The following TLK2 variants were observed in gnomAD, a reference collection of about 807,000 sequenced individuals.
The protein encoded by TLK2 is serine/threonine-protein kinase tousled-like 2.
Under a neutral mutation model 117.3 loss-of-function variants are expected in TLK2, and 6 were observed. That is an observed-to-expected ratio of 0.05 (90% CI 0.03 to 0.10). The LOEUF is 0.10. Among genes scored for constraint, TLK2 ranks in the 10% least tolerant of loss-of-function variants. The pLI, the probability that TLK2 is intolerant of heterozygous loss-of-function variation, is 1.00. For synonymous variants in TLK2, 257 were observed against 316.7 expected (o/e 0.81, Z 2.00); for missense variants, 299 against 901.2 (o/e 0.33, Z 8.56).
intron 16 of TLK2, among the ~76,000 whole-genome samples, chr17:62,588,833 G>A (rs1399129371): frequency 6.6e-6 from 1 of 152,148 alleles, no homozygotes; most frequent in Non-Finnish European, 1.5e-5. Flanking sequence ...GAACTAAAAG[G>A]AGACTTACAT....
chr17:62,597,799 T>TTA (rs1567997997), intron 17 of TLK2, among the ~76,000 whole-genome samples: 1 of 152,196 alleles, frequency 6.6e-6, no homozygotes. Flanking sequence ...TTTTGTTACT[T>TTA]GGTATAGGTA....
intron 6 of TLK2, among the ~76,000 whole-genome samples, chr17:62,529,726 C>T (rs1294388774): frequency 2.6e-5 from 4 of 152,026 alleles, no homozygotes; most frequent in African/African-American, 9.7e-5. Context: ...ATATAATTAC[C>T]ACCACATTCA....
chr17:62,531,715 T>A (rs1486978649), intron 6 of TLK2, among the ~76,000 whole-genome samples: 1 of 152,232 alleles, frequency 6.6e-6, no homozygotes, highest in African/African-American at 2.4e-5. Flanking sequence ...TTACCTCTTT[T>A]ATATACCACT....
At chr17:62,557,304 G>T (rs189703464) in intron 9 of TLK2, among the ~76,000 whole-genome samples, 180 of 152,048 alleles carry the variant, frequency 1.2e-3, no homozygotes, top group African/African-American at 4.2e-3. Flanking sequence ...ATTCTCTAGG[G>T]TTTTTGGTTC....
At chr17:62,539,317 C>T (rs547939045) in intron 7 of TLK2, among the ~76,000 whole-genome samples, 1 of 152,252 alleles carries the variant, frequency 6.6e-6, no homozygotes, top group South Asian at 2.1e-4. Flanking sequence ...TCATTAGCAA[C>T]TATTGATCAC....
At chr17:62,534,247 A>C (rs1290819440) in intron 6 of TLK2, among the ~76,000 whole-genome samples, 1 of 152,248 alleles carries the variant, frequency 6.6e-6, no homozygotes, top group African/African-American at 2.4e-5. Flanking sequence ...CTAGATGACC[A>C]CTATACCACC....
intron 6 of TLK2, among the ~76,000 whole-genome samples, chr17:62,525,357 A>T (rs2076299527): frequency 6.6e-6 from 1 of 151,932 alleles, no homozygotes; most frequent in Non-Finnish European, 1.5e-5. Context: ...GGATTATTGT[A>T]ATTATTAAAG....
intron 16 of TLK2, among the ~76,000 whole-genome samples, chr17:62,588,243 T>C (rs938451078): frequency 6.6e-6 from 1 of 152,202 alleles, no homozygotes; most frequent in Non-Finnish European, 1.5e-5. Context: ...GGTTTCTGGC[T>C]GACCTTGCAG....
At position 62,520,861 on chromosome 17, in the gene TLK2, A is replaced by G. The variant is rs766310862; in HGVS notation, c.153+17A>G. 6 of 1,611,624 alleles carry G rather than the reference A, an allele frequency of 3.7e-6. No homozygotes were observed. In the East Asian group the frequency reaches 1.1e-4, roughly 30 times the overall value. ...GAAGTAGAGGTAAGAAGCTATGTTCATGGCAGGACTTTTCATACTTGTACG... is the reference window on the plus strand; with the variant it reads ...GAAGTAGAGGTAAGAAGCTATGTTCGTGGCAGGACTTTTCATACTTGTACG... On this transcript the variant is annotated intron_variant, in intron 3 of 21. Transcript: ENST00000346027.
At chr17:62,600,875 G>A in intron 18 of TLK2, 55 bp downstream of exon 18, 1 of 1,471,908 alleles carries the variant, frequency 6.8e-7, no homozygotes. Context: ...TCTTATAAGT[G>A]ACTTTTAATT....
intron 1 of TLK2, among the ~76,000 whole-genome samples, chr17:62,471,268 A>C (rs1301025623): frequency 2.6e-5 from 4 of 152,210 alleles, no homozygotes; most frequent in Admixed American, 2.6e-4. Context: ...CACTCGACTC[A>C]AAAGCAGTTA....
At chr17:62,608,446 G>A (rs143443763) in intron 21 of TLK2, among the ~76,000 whole-genome samples, 1,695 of 152,270 alleles carry the variant, frequency 0.011, 35 homozygotes, top group African/African-American at 0.038. Flanking sequence ...GAACAGGTGT[G>A]TGGATGTCAC....
At chr17:62,546,082 A>G (rs1391665712) in intron 7 of TLK2, among the ~76,000 whole-genome samples, 2 of 152,040 alleles carry the variant, frequency 1.3e-5, no homozygotes, top group East Asian at 1.9e-4. Flanking sequence ...GAGTTTCACC[A>G]TGTTGGCCAG....
chr17:62,521,001 C>T (rs531123191), intron 3 of TLK2, among the ~76,000 whole-genome samples, 157 bp downstream of exon 3: 3 of 152,022 alleles, frequency 2.0e-5, no homozygotes, highest in South Asian at 2.1e-4. Context: ...AGTGAGAACT[C>T]GTTTCTACAA....
intron 7 of TLK2, among the ~76,000 whole-genome samples, chr17:62,537,879 C>T (rs918291879): frequency 7.2e-5 from 11 of 151,866 alleles, no homozygotes; most frequent in Non-Finnish European, 1.5e-4. Flanking sequence ...GGAGAATTGA[C>T]CTATATAATA....
rs531932139 is a variant in TLK2 at position 62,510,036 on chromosome 17, T to G, written c.82-10737T>G. 3.3e-5 allele frequency among the ~76,000 whole-genome samples: 5 copies of G among 152,346 alleles called. No individual in the cohort carries two copies. The East Asian group carries it at 9.6e-4, about 29-fold the overall frequency. On this transcript the variant is annotated intron_variant, in intron 2 of 21. Transcript: ENST00000346027. ...GCTCATGCCTGTAATCCCAGCACTT[T>G]CGGAGGTAGAGGCGAGTGTACTGCT...
At chr17:62,574,510 T>G in intron 12 of TLK2, 1 of 684,714 alleles carries the variant, frequency 1.5e-6, no homozygotes, top group Non-Finnish European at 2.4e-6. Flanking sequence ...TAACTCCAAA[T>G]TTTGTTGTTG....
chr17:62,563,560 A>T lies in TLK2; in HGVS notation c.832-1441A>T, dbSNP rs150284979. Among the ~76,000 whole-genome samples the T allele has an allele frequency of 4.4e-4, 67 of 152,314 alleles. 1 individual carries two copies. Among genetic ancestry groups the T allele is most frequent in the African/African-American group, 1.3e-3 (56 of 41,576 alleles). On this transcript the variant is annotated intron_variant, in intron 10 of 21. Coordinates refer to ENST00000346027, the MANE Select transcript of TLK2 (RefSeq NM_006852.6). ...CTGGGCATGGAAAACTGCAGCTATA[A>T]ATTGCCTGTTGGTTGAAATAGACAG...
rs1598765412 is a variant in TLK2, at chr17:62,586,046, ATTATG to A, written c.1369-84_1369-80del. 6 of 965,794 alleles carry A rather than the reference ATTATG, an allele frequency of 6.2e-6. No homozygotes were observed. The Admixed American group carries it at 7.6e-5, about 12-fold the overall frequency. 59.8% of individuals were successfully genotyped at this position (965,794 alleles called of 1,614,324 possible). Reference sequence around the variant, plus strand: ...ATTTAATAATGTATTTTGGACTTTGATTATGTTATATGTTAAATTAAAGCTTCACA... The same window carrying A: ...ATTTAATAATGTATTTTGGACTTTGATTATATGTTAAATTAAAGCTTCACA... On this transcript the variant is annotated intron_variant, in intron 15 of 21. Coordinates refer to ENST00000346027, the MANE Select transcript of TLK2 (RefSeq NM_006852.6).
Sources: gnomAD v4.1 joint callset for allele counts (sites outside exome capture counted in the v4.1 genomes callset) on GRCh38, gnomAD v4.1.1 for gene constraint, MANE v1.5 for transcripts, NCBI Gene and HGNC (gene_info 2026-07-23, HGNC 2026-07-21) for gene names.